POF1B: variants seen among roughly 807,000 people sequenced by gnomAD.
POF1B encodes POF1B actin binding protein.
POF1B carries 53 observed loss-of-function variants against 55.3 expected under a neutral mutation model. The ratio of observed to expected loss-of-function variants is 0.96; its 90% CI spans 0.77 to 1.20. The LOEUF is 1.20. Among genes scored for constraint, POF1B ranks in the 50% most tolerant of loss-of-function variants. The probability of loss-of-function intolerance (pLI) is 0.00; values close to 1 mark genes in which losing one functional copy is unlikely to be tolerated. For missense variants in POF1B, 478 were observed against 420.5 expected, an observed-to-expected ratio of 1.14 and a Z score of -1.20; for synonymous variants, 188 against 148.3, an observed-to-expected ratio of 1.27 and a Z score of -1.95.
At chrX:85,351,787 A>G (rs145744063) in intron 4 of POF1B, among the ~76,000 whole-genome samples, 2 of 111,188 alleles carry the variant, frequency 1.8e-5, no homozygotes, top group African/African-American at 6.5e-5. Context: ...GCATGAGGTC[A>G]ATCTCATTTA....
In POF1B at chrX:85,306,284, T is replaced by C; in HGVS notation, c.1214A>G (p.Asn405Ser). 2 of 1,209,284 alleles carry C rather than the reference T, an allele frequency of 1.7e-6. No homozygotes were observed. Among genetic ancestry groups the C allele is most frequent in the Non-Finnish European group, 2.2e-6 (2 of 893,652 alleles). Residue 405 changes from asparagine (N) to serine (S), a missense_variant, in exon 12 of 17, where the codon AAT becomes AGT. Asn to Ser is a conservative substitution (Grantham distance 46, BLOSUM62 1). Transcript: ENST00000262753. ...SSKCQALEEN[N>S]LSLRHTLSDM... ...TGATAGTGTATGTCGAAGAGAGAGATTGTTTTCTTCCAATGCCTGGCATTT... is the reference window on the plus strand; with the variant it reads ...TGATAGTGTATGTCGAAGAGAGAGACTGTTTTCTTCCAATGCCTGGCATTT...
chrX:85,316,202 C>T (rs1280190452), intron 7 of POF1B, among the ~76,000 whole-genome samples: 2 of 111,598 alleles, frequency 1.8e-5, no homozygotes, highest in African/African-American at 6.5e-5. Flanking sequence ...TCAAAGCTTG[C>T]AAGACAAGCC....
intron 5 of POF1B, among the ~76,000 whole-genome samples, chrX:85,348,594 G>A (rs998864272): frequency 5.4e-5 from 6 of 111,224 alleles, no homozygotes; most frequent in African/African-American, 2.0e-4. Flanking sequence ...CCACCAATGA[G>A]GAAACTAGTA....
At chrX:85,371,591 C>T in intron 2 of POF1B, among the ~76,000 whole-genome samples, 2 of 111,165 alleles carry the variant, frequency 1.8e-5, no homozygotes, top group South Asian at 3.8e-4. Context: ...TATTTTGCCA[C>T]GTTTATTGCT....
At position 85,324,107 on chromosome X, in the gene POF1B, T is replaced by C. The variant is rs577557921; in HGVS notation, c.854+6842A>G. Among the ~76,000 whole-genome samples, 29 of 112,108 alleles carry C rather than the reference T, an allele frequency of 2.6e-4. No homozygotes were observed. The South Asian group carries it at 0.01, about 40-fold the overall frequency. On this transcript the variant is annotated intron_variant, in intron 7 of 16. Transcript: ENST00000262753. ...AGTTGTTGTTATTTCATGTTTTTTG[T>C]ATTTGCTGATGATTGCTTTATGCTC...
chrX:85,359,587 G>T lies in POF1B; in HGVS notation c.401C>A (p.Thr134Asn), dbSNP rs960440529. The change falls in exon 4 of 17, where the codon ACC becomes AAC. Residue 134 changes from threonine (T) to asparagine (N), a missense_variant. Transcript: ENST00000262753. The stretch of plus-strand genomic sequence containing the variant: ...TTGTACTACATATTTCCTAATAGTG[G>T]TCTGTGGATATGTAGTAAGTTTCAC... ...PTVKLTTYPQ[T>N]TIRKYVVQNP... is the part of the protein sequence containing the mutation. 8.3e-7 allele frequency: 1 copy of T among 1,202,473 alleles called. No individual in the cohort carries two copies. Among genetic ancestry groups the T allele is most frequent in the South Asian group, 1.8e-5 (1 of 55,717 alleles).
At chrX:85,303,529 G>A in intron 14 of POF1B, 41 bp from the exon 15 acceptor site, 3 of 863,125 alleles carry the variant, frequency 3.5e-6, no homozygotes, top group Non-Finnish European at 5.0e-6. Flanking sequence ...ATGGAAAGTA[G>A]AAACATGAGA....
In POF1B at chrX:85,303,534, A is replaced by G. The variant is rs200022919; in HGVS notation, c.1567-46T>C. The G allele has an allele frequency of 1.4e-5, 12 of 844,266 alleles. No homozygotes were observed. In the African/African-American group the frequency reaches 2.3e-4, roughly 16 times the overall value. 69.6% of individuals were successfully genotyped at this position (844,266 alleles called of 1,213,427 possible). ...TAATCATTTGATGGAAAGTAGAAAC[A>G]TGAGATAATAAATATATTTAATCAT... On this transcript the variant is annotated intron_variant, in intron 14 of 16. Transcript: ENST00000262753.
intron 10 of POF1B, 110 bp from the exon 11 acceptor site, chrX:85,307,386 T>C (rs371775478): frequency 2.2e-6 from 1 of 453,424 alleles, no homozygotes. Flanking sequence ...GTTTCATTTG[T>C]ACTTGCTTAA....
chrX:85,373,074 T>C (rs935877693), intron 2 of POF1B, among the ~76,000 whole-genome samples: 1 of 111,199 alleles, frequency 9.0e-6, no homozygotes, highest in East Asian at 2.8e-4. Flanking sequence ...TTTTGTCCTC[T>C]AATGTATTTT....
intron 16 of POF1B, 64 bp downstream of exon 16, chrX:85,282,139 C>A: frequency 3.9e-6 from 4 of 1,036,757 alleles, no homozygotes; most frequent in Admixed American, 4.1e-5. Flanking sequence ...GATATTTTAC[C>A]TCAATTTTAA....
At chrX:85,318,538 A>C (rs764293265) in intron 7 of POF1B, among the ~76,000 whole-genome samples, 3 of 111,890 alleles carry the variant, frequency 2.7e-5, no homozygotes, top group Non-Finnish European at 3.8e-5. Context: ...AACTTGAGTT[A>C]ATTTTTGTAT....
intron 15 of POF1B, among the ~76,000 whole-genome samples, chrX:85,297,431 GT>G (rs1236977715): frequency 2.7e-5 from 3 of 111,896 alleles, no homozygotes; most frequent in Non-Finnish European, 5.6e-5. Context: ...GGGTTTAACT[GT>G]TGTGCAAGTT....
In POF1B at chrX:85,286,482, AG is replaced by A. The variant is rs1462582863; in HGVS notation, c.1650-4166del. On this transcript the variant is annotated intron_variant, in intron 15 of 16. Transcript: ENST00000262753. ...GTATTGCCTAAACACTCAATTAAAA[AG>A]CAAAGATTGTTAAATTTGATAAAAA... is the stretch of plus-strand genomic sequence containing the variant. Among the ~76,000 whole-genome samples, 10 of 111,750 alleles carry A rather than the reference AG, an allele frequency of 8.9e-5. No individual in the cohort carries two copies. The East Asian group carries it at 2.6e-3, about 29-fold the overall frequency.
intron 6 of POF1B, among the ~76,000 whole-genome samples, chrX:85,337,647 C>A (rs767614633): frequency 3.6e-5 from 4 of 111,467 alleles, no homozygotes; most frequent in African/African-American, 1.3e-4. Flanking sequence ...AGTCACAATT[C>A]TAAAATGAAG....
At chrX:85,373,975 G>A (rs969908857) in intron 2 of POF1B, among the ~76,000 whole-genome samples, 1 of 111,098 alleles carries the variant, frequency 9.0e-6, no homozygotes, top group Non-Finnish European at 1.9e-5. Context: ...AGAGTTCCAG[G>A]AAGTTCCACA....
At chrX:85,301,843 C>G (rs1276530606) in intron 15 of POF1B, among the ~76,000 whole-genome samples, 1 of 111,429 alleles carries the variant, frequency 9.0e-6, no homozygotes, top group Non-Finnish European at 1.9e-5. Flanking sequence ...AATATTCCAG[C>G]TAAAAGCAGA....
intron 4 of POF1B, among the ~76,000 whole-genome samples, chrX:85,356,673 A>T (rs1485473125): frequency 9.0e-6 from 1 of 111,284 alleles, no homozygotes; most frequent in Non-Finnish European, 1.9e-5. Flanking sequence ...ATTTAATCAG[A>T]CGTTTTAGAT....
At chrX:85,363,014 G>A (rs765780066) in intron 3 of POF1B, among the ~76,000 whole-genome samples, 10 of 110,750 alleles carry the variant, frequency 9.0e-5, no homozygotes, top group Non-Finnish European at 1.9e-4. Context: ...TCTCTACTAG[G>A]TTTTTCAGTT....
Sources: allele counts gnomAD v4.1 joint callset (sites outside exome capture counted in the v4.1 genomes callset), GRCh38; gene constraint gnomAD v4.1.1; transcripts MANE v1.5; gene names NCBI Gene and HGNC (gene_info 2026-07-23, HGNC 2026-07-21).